The following RNF213 variants were observed in gnomAD, a reference collection of about 807,000 sequenced individuals.
RNF213 encodes ring finger protein 213.
RNF213 carries 341 observed loss-of-function variants against 514.4 expected under a neutral mutation model. The observed-to-expected ratio is 0.66, with a 90% CI of 0.61 to 0.73. The LOEUF is 0.73. RNF213 is among the 30% of genes least tolerant of loss of function. The pLI is 0.00. For synonymous variants in RNF213, 2,655 were observed against 2,658.2 expected, an observed-to-expected ratio of 1.00 and a Z score of 0.04; for missense variants, 5,767 against 6,615.6, an observed-to-expected ratio of 0.87 and a Z score of 4.45.
chr17:80,315,251 GGAC>G lies in RNF213; in HGVS notation c.2812-1935_2812-1933del, dbSNP rs773077310. ...TGGAGGTACTGGAGGTGATGGTGGTGGACGTGATGGTGGAGGTAATGGAGGTGA... is the reference window on the plus strand; with the variant it reads ...TGGAGGTACTGGAGGTGATGGTGGTGGTGATGGTGGAGGTAATGGAGGTGA... On this transcript the variant is annotated intron_variant, in intron 15 of 67. Transcript: ENST00000582970. Among the ~76,000 whole-genome samples, 3 of 38,626 alleles carry G rather than the reference GGAC, an allele frequency of 7.8e-5. No homozygotes were observed. In the South Asian group the frequency reaches 2.7e-3, roughly 35 times the overall value. 25.3% of individuals were successfully genotyped at this position (38,626 alleles called of 152,430 possible). A position where few individuals can be genotyped will look rare whatever the true frequency, so the allele number is the denominator to read the frequency against.
Position 80,374,466 on chromosome 17 carries a change from G to A in RNF213, c.12951G>A (p.Arg4317=), listed in dbSNP as rs1427985081. ...PKDVVKQQGL[R]QDHPGQMDRY... The stretch of plus-strand genomic sequence containing the variant: ...TAACCTCTGTATTCCAGGGGCTGCG[G>A]CAGGACCACCCAGGCCAGATGGATA... Residue 4317 remains arginine, a synonymous_variant, in exon 50 of 68, where the codon CGG becomes CGA. Coordinates refer to ENST00000582970, the MANE Select transcript of RNF213 (RefSeq NM_001256071.3). 6.2e-7 allele frequency: 1 copy of A among 1,614,058 alleles called. No homozygotes were observed. The highest frequency in any genetic ancestry group is 1.7e-5 in the Admixed American group (1 of 60,014).
At chr17:80,281,859 A>T (rs1413705484) in intron 3 of RNF213, among the ~76,000 whole-genome samples, 4 of 151,848 alleles carry the variant, frequency 2.6e-5, no homozygotes, top group Middle Eastern at 3.4e-3. Context: ...TTAATTTTTT[A>T]TTTTTTTTAT....
chr17:80,361,669 C>G (rs574748023), intron 38 of RNF213, 65 bp from the exon 39 acceptor site: 1 of 1,596,116 alleles, frequency 6.3e-7, no homozygotes, highest in Non-Finnish European at 8.6e-7. Flanking sequence ...CCGGAGCCCC[C>G]TGGAGGCAGG....
At position 80,309,223 on chromosome 17, in the gene RNF213, C is replaced by A. The variant is rs149206366; in HGVS notation, c.2655+52C>A. The stretch of plus-strand genomic sequence containing the variant: ...CACACCCGGGATAGGTGCGGAATTT[C>A]AAGCAGCCTCAATTTGGAAAGGAAA... On this transcript the variant is annotated intron_variant, in intron 14 of 67. Coordinates refer to ENST00000582970, the MANE Select transcript of RNF213 (RefSeq NM_001256071.3). The A allele has an allele frequency of 7.2e-5, 116 of 1,606,204 alleles. No individual in the cohort carries two copies. The East Asian group carries it at 2.5e-3, about 35-fold the overall frequency.
intron 7 of RNF213, 110 bp downstream of exon 7, chr17:80,290,838 C>A: frequency 8.0e-7 from 1 of 1,245,162 alleles, no homozygotes; most frequent in South Asian, 1.3e-5. Flanking sequence ...GAGACGGAGT[C>A]TTGCTGTGTC....
At chr17:80,324,709 G>T (rs1568073215) in intron 17 of RNF213, among the ~76,000 whole-genome samples, 1 of 151,752 alleles carries the variant, frequency 6.6e-6, no homozygotes, top group African/African-American at 2.4e-5. Context: ...TTCATTTTTG[G>T]TATTTTTCAT....
intron 64 of RNF213, 87 bp downstream of exon 64, chr17:80,388,776 C>G: frequency 9.3e-7 from 1 of 1,076,212 alleles, no homozygotes; most frequent in Non-Finnish European, 1.4e-6. Context: ...CCAGCCTTGC[C>G]CCGGGTGTTT....
chr17:80,320,803 T>C (rs1054924028), intron 17 of RNF213: 4 of 152,136 alleles, frequency 2.6e-5, no homozygotes, highest in African/African-American at 9.7e-5. Context: ...AGTAAGACCC[T>C]GTCTCTATAA....
Position 80,347,989 on chromosome 17 carries a change from C to T in RNF213, c.9654C>T (p.Phe3218=). 1 of 1,614,146 alleles carries T rather than the reference C, an allele frequency of 6.2e-7. No homozygotes were observed. Among genetic ancestry groups the T allele is most frequent in the Non-Finnish European group, 8.5e-7 (1 of 1,180,006 alleles). The change falls in exon 29 of 68, where the codon TTC becomes TTT. Residue 3218 remains phenylalanine, a synonymous_variant. Transcript: ENST00000582970. The surrounding 1 kb of genome is among the most constrained non-coding windows in gnomAD (Gnocchi z 7.2). ...KRHKYSPSDV[F]IGYHSDACAS... Reference sequence around the variant, plus strand: ...ACAAATACAGCCCCTCTGACGTCTTCATCGGCTACCACTCGGACGCCTGCG... The same window carrying T: ...ACAAATACAGCCCCTCTGACGTCTTTATCGGCTACCACTCGGACGCCTGCG...
chr17:80,328,529 A>G (rs2046336190), intron 20 of RNF213, 52 bp downstream of exon 20: 1 of 1,519,344 alleles, frequency 6.6e-7, no homozygotes, highest in Non-Finnish European at 8.8e-7. Flanking sequence ...GGGTTAGAGG[A>G]GAACACAGTA....
intron 29 of RNF213, among the ~76,000 whole-genome samples, chr17:80,348,848 G>T (rs1278687345): frequency 1.3e-5 from 2 of 152,202 alleles, no homozygotes; most frequent in African/African-American, 2.4e-5. Context: ...CTGAGATGGG[G>T]CGATGAGGTG....
chr17:80,268,339 T>G (rs1598879667), intron 2 of RNF213, among the ~76,000 whole-genome samples: 1 of 113,838 alleles, frequency 8.8e-6, no homozygotes, highest in African/African-American at 3.6e-5. Context: ...GGGTCGACAG[T>G]GAGACCCTGT....
chr17:80,263,805 C>G lies in RNF213; in HGVS notation c.97+27C>G. ...TGAGGCCCAGGGGTGCTGGTGGAGG[C>G]TGGGGCAGTGGGGACCCCTGGAGAT... On this transcript the variant is annotated intron_variant, in intron 2 of 67. Transcript: ENST00000582970. This position sits in a 1 kb window ranked among gnomAD's most constrained non-coding sequence, Gnocchi z 4.9. 6.2e-7 allele frequency: 1 copy of G among 1,602,936 alleles called. No individual in the cohort carries two copies. The highest frequency in any genetic ancestry group is 1.3e-5 in the African/African-American group (1 of 74,844).
intron 36 of RNF213, among the ~76,000 whole-genome samples, chr17:80,356,473 A>G (rs1236628413): frequency 1.3e-5 from 2 of 152,088 alleles, no homozygotes; most frequent in Non-Finnish European, 1.5e-5. Flanking sequence ...CCAGACCCGC[A>G]CCCTCAGCTC....
rs769942624 is a variant in RNF213, at chr17:80,348,291, T to C, written c.9951+5T>C. The C allele has an allele frequency of 2.5e-6, 4 of 1,610,816 alleles. No individual in the cohort carries two copies. Among genetic ancestry groups the C allele is most frequent in the South Asian group, 2.2e-5 (2 of 91,070 alleles). On this transcript the variant is annotated splice_donor_5th_base_variant and intron_variant, in intron 29 of 67. Transcript: ENST00000582970. ...CGCCACGCCATCTTCACAGAGGTGA[T>C]TGTCTTTCTGCACTTGTACCCTATC... is the stretch of plus-strand genomic sequence containing the variant.
At chr17:80,387,415 G>C (rs2080281415) in intron 63 of RNF213, among the ~76,000 whole-genome samples, 1 of 152,168 alleles carries the variant, frequency 6.6e-6, no homozygotes, top group Admixed American at 6.5e-5. Context: ...TGATTGTTGA[G>C]GTCTTGATTC....
chr17:80,268,617 A>G (rs1020126665), intron 2 of RNF213, among the ~76,000 whole-genome samples: 1 of 127,440 alleles, frequency 7.8e-6, no homozygotes, highest in Admixed American at 7.9e-5. Context: ...TTGTCCATCC[A>G]TCCATCCATC....
In RNF213 at chr17:80,353,676, G is replaced by A; in HGVS notation, c.10578+10G>A. 1.2e-6 allele frequency: 2 copies of A among 1,614,208 alleles called. No individual in the cohort carries two copies. The highest frequency in any genetic ancestry group is 8.5e-7 in the Non-Finnish European group (1 of 1,180,038). On this transcript the variant is annotated intron_variant, in intron 34 of 67. Coordinates refer to ENST00000582970, the MANE Select transcript of RNF213 (RefSeq NM_001256071.3). This position sits in a 1 kb window ranked among gnomAD's most constrained non-coding sequence, Gnocchi z 5.0. ...ACTCGGAGGCAGTGATGTAAGTTCT[G>A]GTTCTTGGGACCTCCCCTTGTGCTG...
At chr17:80,298,544 A>G (rs773211561) in intron 11 of RNF213, 26 bp downstream of exon 11, 4 of 1,613,758 alleles carry the variant, frequency 2.5e-6, no homozygotes, top group East Asian at 2.2e-5. Context: ...GTGCTTATCT[A>G]CATGAATCTG....
Sources: allele counts gnomAD v4.1 joint callset (sites outside exome capture counted in the v4.1 genomes callset), GRCh38; gene constraint gnomAD v4.1.1; non-coding constraint Gnocchi (gnomAD v3.1); transcripts MANE v1.5; gene names NCBI Gene and HGNC (gene_info 2026-07-23, HGNC 2026-07-21).